CEP112: variants seen among roughly 807,000 people sequenced by gnomAD.
CEP112 encodes the protein centrosomal protein of 112 kDa.
In CEP112, 127 loss-of-function variants were observed where a neutral mutation model predicts 153.0. The ratio of observed to expected loss-of-function variants is 0.83; its 90% CI spans 0.72 to 0.96. The LOEUF is 0.96. Ranked by LOEUF, CEP112 falls within the 40% of genes least tolerant of loss-of-function variation. The pLI, the probability that CEP112 is intolerant of heterozygous loss-of-function variation, is 0.00. For synonymous variants in CEP112, 358 were observed against 374.4 expected (o/e 0.96, Z 0.51); for missense variants, 1,089 against 1,101.2 (o/e 0.99, Z 0.16).
At chr17:65,726,348 A>G (rs184846885) in intron 23 of CEP112, among the ~76,000 whole-genome samples, 1 of 150,606 alleles carries the variant, frequency 6.6e-6, no homozygotes, top group African/African-American at 2.4e-5. Flanking sequence ...CAAAAAAAAA[A>G]TTATTATTAA....
At chr17:65,651,361 C>T (rs7225531) in intron 24 of CEP112, among the ~76,000 whole-genome samples, 4,380 of 152,250 alleles carry the variant, frequency 0.029, 224 homozygotes, top group African/African-American at 0.1. Context: ...GTTGGTTCCA[C>T]GTTTATGCAC....
intron 21 of CEP112, among the ~76,000 whole-genome samples, chr17:65,792,949 C>A (rs1340332141): frequency 6.6e-6 from 1 of 152,040 alleles, no homozygotes; most frequent in South Asian, 2.1e-4. Flanking sequence ...AGAAAATACA[C>A]GATTGAACAC....
chr17:66,095,315 C>T (rs2068298327), intron 8 of CEP112, among the ~76,000 whole-genome samples: 1 of 152,040 alleles, frequency 6.6e-6, no homozygotes, highest in Non-Finnish European at 1.5e-5. Flanking sequence ...CACACACACA[C>T]ACAATGAAAT....
intron 18 of CEP112, among the ~76,000 whole-genome samples, chr17:65,929,098 A>T (rs926142432): frequency 3.9e-5 from 6 of 152,214 alleles, no homozygotes; most frequent in Non-Finnish European, 8.8e-5. Flanking sequence ...TTGGGGGAAG[A>T]TGAACATTTT....
chr17:66,115,176 G>C (rs1404931834), intron 6 of CEP112, among the ~76,000 whole-genome samples: 1 of 152,062 alleles, frequency 6.6e-6, no homozygotes, highest in African/African-American at 2.4e-5. Flanking sequence ...CTGCACTCCA[G>C]CCTGGGTGAC....
intron 23 of CEP112, among the ~76,000 whole-genome samples, chr17:65,742,491 A>G (rs1035087067): frequency 2.6e-5 from 4 of 152,216 alleles, no homozygotes; most frequent in Admixed American, 6.5e-5. Context: ...CTAACTGCCT[A>G]TCACTGAAAG....
At chr17:65,716,774 G>A (rs930015291) in intron 23 of CEP112, among the ~76,000 whole-genome samples, 2 of 152,048 alleles carry the variant, frequency 1.3e-5, no homozygotes, top group African/African-American at 2.4e-5. Context: ...TAATGAAAAT[G>A]AGAAAAGGAA....
intron 20 of CEP112, among the ~76,000 whole-genome samples, chr17:65,900,558 G>A (rs192007968): frequency 1.1e-4 from 16 of 151,946 alleles, no homozygotes; most frequent in South Asian, 2.1e-4. Context: ...CACTTGTATC[G>A]GCTTCCCATA....
intron 24 of CEP112, among the ~76,000 whole-genome samples, chr17:65,662,475 T>C (rs1390971012): frequency 1.3e-5 from 2 of 152,058 alleles, no homozygotes; most frequent in Non-Finnish European, 2.9e-5. Flanking sequence ...TTAAATCACA[T>C]CAAACCAAAA....
At chr17:65,668,859 C>T (rs2046828728) in intron 24 of CEP112, among the ~76,000 whole-genome samples, 2 of 152,144 alleles carry the variant, frequency 1.3e-5, no homozygotes, top group Admixed American at 6.5e-5. Context: ...GCATGAGATG[C>T]TTTTCTTTGG....
chr17:66,058,000 T>G (rs1313546677), intron 11 of CEP112, among the ~76,000 whole-genome samples: 1 of 151,456 alleles, frequency 6.6e-6, no homozygotes, highest in East Asian at 2.0e-4. Context: ...GGCTGAGGCA[T>G]GAGAAGAGCT....
At chr17:66,106,927 T>TA (rs1330399888) in intron 6 of CEP112, among the ~76,000 whole-genome samples, 13 of 150,554 alleles carry the variant, frequency 8.6e-5, no homozygotes, top group East Asian at 2.0e-4. Context: ...CAACAACACA[T>TA]AAAAAAAAAT....
intron 21 of CEP112, among the ~76,000 whole-genome samples, chr17:65,847,274 C>A (rs577549160): frequency 6.6e-6 from 1 of 152,280 alleles, no homozygotes; most frequent in South Asian, 2.1e-4. Context: ...GTTCTCACTT[C>A]AATCCAGGAG....
At chr17:66,144,238 C>T (rs2070828717) in intron 4 of CEP112, among the ~76,000 whole-genome samples, 1 of 152,094 alleles carries the variant, frequency 6.6e-6, no homozygotes, top group Non-Finnish European at 1.5e-5. Flanking sequence ...ATTCTTTGAG[C>T]CTGAGAGTTA....
intron 24 of CEP112, among the ~76,000 whole-genome samples, chr17:65,654,056 C>CAAAAA (rs773433478): frequency 0.02 from 501 of 25,294 alleles, 5 homozygotes; most frequent in Non-Finnish European, 0.023. Context: ...AAGACTCCAT[C>CAAAAA]AAAAAAAAAA....
intron 26 of CEP112, among the ~76,000 whole-genome samples, chr17:65,636,376 G>GA (rs1389466756): frequency 6.6e-6 from 1 of 152,200 alleles, no homozygotes; most frequent in Non-Finnish European, 1.5e-5. Context: ...CTGGATCACT[G>GA]AGCTGTTGGT....
intron 17 of CEP112, among the ~76,000 whole-genome samples, chr17:65,990,347 C>A (rs759550121): frequency 7.9e-5 from 12 of 152,224 alleles, no homozygotes; most frequent in Non-Finnish European, 1.6e-4. Context: ...TGAGCAATCA[C>A]AGTATCTACT....
intron 21 of CEP112, chr17:65,826,172 C>T (rs764329039): frequency 2.6e-5 from 42 of 1,614,172 alleles, no homozygotes; most frequent in Non-Finnish European, 3.3e-5. Context: ...TCCTGTATCC[C>T]TCAGAGGCTT....
At chr17:65,959,328 G>A (rs1189380064) in intron 18 of CEP112, among the ~76,000 whole-genome samples, 1 of 152,204 alleles carries the variant, frequency 6.6e-6, no homozygotes, top group Admixed American at 6.5e-5. Context: ...CTGCAGAAAG[G>A]AGCTACCCAC....
Sources: allele counts gnomAD v4.1 joint callset (sites outside exome capture counted in the v4.1 genomes callset), GRCh38; gene constraint gnomAD v4.1.1; transcripts MANE v1.5; gene names NCBI Gene and HGNC (gene_info 2026-07-23, HGNC 2026-07-21).